Variants in MTUS2 observed in about 807,000 individuals in gnomAD.
MTUS2 encodes microtubule associated scaffold protein 2.
MTUS2 carries 40 observed loss-of-function variants against 114.1 expected under a neutral mutation model. The ratio of observed to expected loss-of-function variants is 0.35; its 90% CI spans 0.27 to 0.46. The LOEUF (loss-of-function observed/expected upper bound fraction) is 0.46. Among genes scored for constraint, MTUS2 ranks in the 20% least tolerant of loss-of-function variants. The pLI is 1.00. For missense variants in MTUS2, 1,679 were observed against 1,705.4 expected (o/e 0.98, Z 0.27); for synonymous variants, 688 against 672.0 (o/e 1.02, Z -0.37).
intron 2 of MTUS2, among the ~76,000 whole-genome samples, chr13:28,902,849 G>C (rs984691308): frequency 1.1e-4 from 17 of 152,236 alleles, no homozygotes; most frequent in African/African-American, 4.1e-4. Context: ...GATTTGGGAA[G>C]TGTTTTCTTA....
At chr13:29,423,802 T>C (rs1288295866) in intron 8 of MTUS2, among the ~76,000 whole-genome samples, 1 of 152,050 alleles carries the variant, frequency 6.6e-6, no homozygotes, top group Non-Finnish European at 1.5e-5. Flanking sequence ...TACAAACATA[T>C]AGTTAGATAG....
chr13:29,325,939 C>T (rs1177295937), intron 7 of MTUS2, among the ~76,000 whole-genome samples: 2 of 152,202 alleles, frequency 1.3e-5, no homozygotes, highest in African/African-American at 2.4e-5. Flanking sequence ...AGTTGCTACA[C>T]TGTTAACCCA....
intron 5 of MTUS2, among the ~76,000 whole-genome samples, chr13:29,201,501 A>G (rs1197825376): frequency 1.3e-5 from 2 of 152,138 alleles, no homozygotes; most frequent in Non-Finnish European, 2.9e-5. Flanking sequence ...CATTTAGCCC[A>G]TTTACATTTA....
chr13:29,237,060 C>G (rs747951562), intron 5 of MTUS2, among the ~76,000 whole-genome samples: 5 of 152,154 alleles, frequency 3.3e-5, no homozygotes, highest in African/African-American at 4.8e-5. Context: ...CTTCCTTGAT[C>G]TAAGAGTTGT....
At chr13:29,248,094 G>T (rs531358265) in intron 5 of MTUS2, among the ~76,000 whole-genome samples, 1 of 152,236 alleles carries the variant, frequency 6.6e-6, no homozygotes, top group African/African-American at 2.4e-5. Context: ...AATGGCATTC[G>T]CAACAACCTG....
intron 4 of MTUS2, among the ~76,000 whole-genome samples, chr13:29,062,754 AG>A (rs1221949099): frequency 6.6e-6 from 1 of 152,192 alleles, no homozygotes; most frequent in East Asian, 1.9e-4. Flanking sequence ...GCGGCCTAAA[AG>A]AACTGGACAT....
chr13:29,064,862 A>T (rs925739996), intron 4 of MTUS2, among the ~76,000 whole-genome samples: 5 of 152,186 alleles, frequency 3.3e-5, no homozygotes, highest in Admixed American at 1.3e-4. Context: ...GTCACTTGTA[A>T]GTGAGAACAT....
intron 5 of MTUS2, among the ~76,000 whole-genome samples, chr13:29,223,135 T>G (rs948113004): frequency 5.3e-5 from 8 of 152,174 alleles, no homozygotes; most frequent in Admixed American, 5.2e-4. Flanking sequence ...CCCACCCTCA[T>G]GTCAGGGATA....
chr13:28,966,723 T>G (rs1208935440), intron 2 of MTUS2, among the ~76,000 whole-genome samples: 3 of 20,304 alleles, frequency 1.5e-4, no homozygotes, highest in African/African-American at 4.0e-4. Flanking sequence ...AGACCCTGTC[T>G]CAAAAAAAAA....
At chr13:29,264,225 CCATGTCCCA>C (rs1648146520) in intron 5 of MTUS2, among the ~76,000 whole-genome samples, 1 of 152,244 alleles carries the variant, frequency 6.6e-6, no homozygotes, top group Admixed American at 6.5e-5. Flanking sequence ...TCCTTTGACT[CCATGTCCCA>C]CATCCAGGGC....
At chr13:28,894,327 AGG>A (rs1879130092) in intron 2 of MTUS2, among the ~76,000 whole-genome samples, 1 of 7,724 alleles carries the variant, frequency 1.3e-4, no homozygotes, top group South Asian at 6.8e-3. Context: ...GGAGGGAGGG[AGG>A]GAGAGAGAGA....
At chr13:28,829,151 CAGTA>C (rs1874483191) in intron 1 of MTUS2, among the ~76,000 whole-genome samples, 1 of 152,178 alleles carries the variant, frequency 6.6e-6, no homozygotes, top group Non-Finnish European at 1.5e-5. Context: ...GACTGAATCT[CAGTA>C]AGAACAGTGA....
intron 6 of MTUS2, among the ~76,000 whole-genome samples, chr13:29,285,982 G>A (rs1898464890): frequency 6.6e-6 from 1 of 152,206 alleles, no homozygotes; most frequent in Non-Finnish European, 1.5e-5. Flanking sequence ...CTGGAATGCA[G>A]TGGCGTGATC....
At chr13:28,991,304 TTTTC>T (rs897626616) in intron 2 of MTUS2, among the ~76,000 whole-genome samples, 39 of 152,208 alleles carry the variant, frequency 2.6e-4, no homozygotes, top group African/African-American at 8.9e-4. Flanking sequence ...TGTCCAGCTG[TTTTC>T]TTTATTTTCT....
chr13:29,212,407 G>T (rs1470981360), intron 5 of MTUS2, among the ~76,000 whole-genome samples: 3 of 152,108 alleles, frequency 2.0e-5, no homozygotes, highest in African/African-American at 4.8e-5. Flanking sequence ...ACTTCTCTGT[G>T]GACACCACCC....
chr13:29,158,749 T>C (rs1314606639), intron 5 of MTUS2, among the ~76,000 whole-genome samples: 1 of 152,146 alleles, frequency 6.6e-6, no homozygotes, highest in African/African-American at 2.4e-5. Flanking sequence ...CCTAACCTGC[T>C]TCATTTTTCC....
intron 5 of MTUS2, among the ~76,000 whole-genome samples, chr13:29,144,463 A>G (rs1444655837): frequency 1.3e-5 from 2 of 151,894 alleles, no homozygotes; most frequent in Non-Finnish European, 2.9e-5. Flanking sequence ...TCCTCAGCTC[A>G]AGTGATTCTC....
At chr13:28,829,433 G>A (rs896916874) in intron 1 of MTUS2, among the ~76,000 whole-genome samples, 3 of 152,132 alleles carry the variant, frequency 2.0e-5, no homozygotes, top group Non-Finnish European at 4.4e-5. Flanking sequence ...TTGGGAGGCT[G>A]AGGCAGGAGA....
At chr13:29,219,506 T>C (rs1302519587) in intron 5 of MTUS2, among the ~76,000 whole-genome samples, 4 of 152,268 alleles carry the variant, frequency 2.6e-5, no homozygotes, top group East Asian at 1.9e-4. Flanking sequence ...GATGGCTGGG[T>C]CAAATGGTAT....
Sources: gnomAD v4.1 joint callset for allele counts (sites outside exome capture counted in the v4.1 genomes callset) on GRCh38, gnomAD v4.1.1 for gene constraint, MANE v1.5 for transcripts, NCBI Gene and HGNC (gene_info 2026-07-23, HGNC 2026-07-21) for gene names.